Variants in DPP6 observed in about 807,000 individuals in gnomAD.
DPP6 encodes the protein dipeptidyl peptidase like 6.
DPP6 carries 69 observed loss-of-function variants against 122.6 expected under a neutral mutation model. That is an observed-to-expected ratio of 0.56 (90% CI 0.46 to 0.69). The LOEUF is 0.69. Among genes scored for constraint, DPP6 ranks in the 30% least tolerant of loss-of-function variants. The probability of loss-of-function intolerance (pLI) is 0.00; values close to 1 mark genes in which losing one functional copy is unlikely to be tolerated. For missense variants in DPP6, 928 were observed against 1,116.9 expected (o/e 0.83, Z 2.41); for synonymous variants, 418 against 433.1 (o/e 0.97, Z 0.43).
chr7:154,809,695 G>T (rs535297856), intron 16 of DPP6, among the ~76,000 whole-genome samples: 5 of 152,178 alleles, frequency 3.3e-5, no homozygotes, highest in African/African-American at 1.2e-4. Flanking sequence ...TAACACATAC[G>T]CAGCTTGTCT....
At chr7:154,819,162 G>C (rs912834376) in intron 16 of DPP6, among the ~76,000 whole-genome samples, 1 of 152,146 alleles carries the variant, frequency 6.6e-6, no homozygotes, top group African/African-American at 2.4e-5. Context: ...CGCCTGTAAT[G>C]CCAGCATTTT....
intron 1 of DPP6, among the ~76,000 whole-genome samples, chr7:154,117,377 C>G (rs987284993): frequency 1.3e-5 from 2 of 152,110 alleles, no homozygotes; most frequent in African/African-American, 2.4e-5. Flanking sequence ...CTGTCTTGTT[C>G]TTCTCCTATT....
At position 154,124,618 on chromosome 7, in the gene DPP6, A is replaced by G. The variant is rs552651825; in HGVS notation, c.243+71555A>G. 1.2e-3 allele frequency among the ~76,000 whole-genome samples: 181 copies of G among 152,368 alleles called. 1 individual carries two copies. The highest frequency in any genetic ancestry group is 4.2e-3 in the African/African-American group (176 of 41,586). On this transcript the variant is annotated intron_variant, in intron 1 of 25. Transcript: ENST00000377770. ...AAAAATATCCCAAACAATACAATAT[A>G]TAGAATTTCCTGATGGATTTGACTT...
At chr7:154,689,873 C>T (rs1245267011) in intron 7 of DPP6, among the ~76,000 whole-genome samples, 1 of 152,196 alleles carries the variant, frequency 6.6e-6, no homozygotes, top group Non-Finnish European at 1.5e-5. Context: ...TGCATTACCA[C>T]GTGACTTGTC....
intron 1 of DPP6, among the ~76,000 whole-genome samples, chr7:154,192,812 T>C (rs1798679866): frequency 6.6e-6 from 1 of 152,164 alleles, no homozygotes. Context: ...AAAGCAGGTG[T>C]TTGAAGCAGG....
intron 16 of DPP6, among the ~76,000 whole-genome samples, chr7:154,812,204 G>C (rs576679437): frequency 6.6e-6 from 1 of 152,138 alleles, no homozygotes; most frequent in Non-Finnish European, 1.5e-5. Flanking sequence ...ATAAGGGCTG[G>C]GTATAAAATC....
At chr7:154,827,058 C>T (rs566402986) in intron 16 of DPP6, among the ~76,000 whole-genome samples, 21 of 152,174 alleles carry the variant, frequency 1.4e-4, no homozygotes, top group Admixed American at 1.1e-3. Context: ...TCTCCTAGCA[C>T]ATAGTTTAAG....
intron 6 of DPP6, among the ~76,000 whole-genome samples, chr7:154,645,312 G>T (rs913673513): frequency 1.3e-5 from 2 of 151,908 alleles, no homozygotes; most frequent in African/African-American, 4.8e-5. Flanking sequence ...TGACCCGCCC[G>T]CCTCGGCCTC....
At chr7:154,647,796 G>A (rs998365120) in intron 6 of DPP6, among the ~76,000 whole-genome samples, 1 of 152,194 alleles carries the variant, frequency 6.6e-6, no homozygotes, top group East Asian at 1.9e-4. Context: ...CAGCACGCGT[G>A]TTGAACCAGC....
At chr7:154,063,908 C>T (rs138919313) in intron 1 of DPP6, among the ~76,000 whole-genome samples, 1 of 151,364 alleles carries the variant, frequency 6.6e-6, no homozygotes, top group East Asian at 2.0e-4. Flanking sequence ...GCTGATACTC[C>T]TGAGTCTCGG....
At chr7:154,098,241 C>T (rs189766601) in intron 1 of DPP6, among the ~76,000 whole-genome samples, 50 of 152,326 alleles carry the variant, frequency 3.3e-4, no homozygotes, top group Middle Eastern at 3.4e-3. Context: ...TTGCTCAGCA[C>T]TTCTCCTTCC....
At chr7:154,037,146 G>C (rs1799576263) in intron 1 of DPP6, among the ~76,000 whole-genome samples, 1 of 152,154 alleles carries the variant, frequency 6.6e-6, no homozygotes, top group South Asian at 2.1e-4. Context: ...AAATCAGTAA[G>C]TACACTATAC....
At chr7:153,995,246 T>G (rs1797367043) in intron 1 of DPP6, among the ~76,000 whole-genome samples, 1 of 152,150 alleles carries the variant, frequency 6.6e-6, no homozygotes, top group East Asian at 1.9e-4. Flanking sequence ...ACTAGCCATT[T>G]CCTGCTAGTG....
intron 1 of DPP6, among the ~76,000 whole-genome samples, chr7:154,176,079 A>C (rs1797789436): frequency 6.6e-6 from 1 of 152,184 alleles, no homozygotes; most frequent in African/African-American, 2.4e-5. Context: ...TTTTGTGTTC[A>C]TGGAATAGGA....
chr7:153,845,746 G>T, the DPP6 span, among the ~76,000 whole-genome samples: 4 of 151,750 alleles, frequency 2.6e-5, no homozygotes, highest in Admixed American at 1.3e-4. Context: ...TTGTGGTTAC[G>T]GTAGGCATTT....
chr7:154,870,787 A>T (rs1804314867), intron 18 of DPP6, among the ~76,000 whole-genome samples: 1 of 151,976 alleles, frequency 6.6e-6, no homozygotes, highest in Non-Finnish European at 1.5e-5. Context: ...ACATGGTGAA[A>T]CTCTGTCTCT....
intron 1 of DPP6, among the ~76,000 whole-genome samples, chr7:154,175,176 C>G (rs1797735414): frequency 6.6e-6 from 1 of 151,898 alleles, no homozygotes; most frequent in Non-Finnish European, 1.5e-5. Flanking sequence ...TGTCACGAAC[C>G]CAGTGTTGTT....
At chr7:153,926,760 TAAAC>T (rs766824287) in intron 1 of DPP6, among the ~76,000 whole-genome samples, 2 of 150,156 alleles carry the variant, frequency 1.3e-5, no homozygotes, top group Admixed American at 6.6e-5. Context: ...TTCCATGAAA[TAAAC>T]AGACAGCTGC....
At chr7:154,754,821 TTGCA>T (rs1244192544) in intron 8 of DPP6, among the ~76,000 whole-genome samples, 2 of 152,312 alleles carry the variant, frequency 1.3e-5, no homozygotes, top group African/African-American at 4.8e-5. Flanking sequence ...TTCATGTCCT[TTGCA>T]GGGACATGGA....
Sources: gnomAD v4.1 joint callset for allele counts (sites outside exome capture counted in the v4.1 genomes callset) on GRCh38, gnomAD v4.1.1 for gene constraint, MANE v1.5 for transcripts, NCBI Gene and HGNC (gene_info 2026-07-23, HGNC 2026-07-21) for gene names.